HCN1: variants seen among roughly 807,000 people sequenced by gnomAD.
HCN1 encodes potassium/sodium hyperpolarization-activated cyclic nucleotide-gated channel 1.
A neutral mutation model predicts 78.9 loss-of-function variants in HCN1; 13 were observed. The ratio of observed to expected loss-of-function variants is 0.16; its 90% CI spans 0.11 to 0.26. HCN1 has a LOEUF of 0.26. Among genes scored for constraint, HCN1 ranks in the 10% least tolerant of loss-of-function variants. The pLI is 1.00. For missense variants in HCN1, 810 were observed against 1,154.3 expected (o/e 0.70, Z 4.32); for synonymous variants, 552 against 455.5 (o/e 1.21, Z -2.70).
chr5:45,638,886 T>C lies in HCN1; in HGVS notation c.849+6299A>G, dbSNP rs539029251. ...CAACTACCCTCCAGCCTGGGCGACA[T>C]AGCAGTTGCCTTGACTTAACATCTC... On this transcript the variant is annotated intron_variant, in intron 2 of 7. Coordinates refer to ENST00000303230, the MANE Select transcript of HCN1 (RefSeq NM_021072.4). 1.1e-4 allele frequency among the ~76,000 whole-genome samples: 17 copies of C among 152,230 alleles called. 1 individual carries two copies. In the South Asian group the frequency reaches 3.1e-3, roughly 28 times the overall value.
At chr5:45,441,812 A>AAT (rs1278365170) in intron 3 of HCN1, among the ~76,000 whole-genome samples, 2 of 152,292 alleles carry the variant, frequency 1.3e-5, no homozygotes, top group Non-Finnish European at 2.9e-5. Flanking sequence ...TGGAGTGCTC[A>AAT]ATATATGTTT....
At chr5:45,350,142 C>A (rs143698665) in intron 5 of HCN1, among the ~76,000 whole-genome samples, 5,726 of 152,116 alleles carry the variant, frequency 0.038, 182 homozygotes, top group Non-Finnish European at 0.051. Flanking sequence ...ACTGGCAAAC[C>A]GAATCCAGCA....
intron 1 of HCN1, among the ~76,000 whole-genome samples, chr5:45,646,352 A>ATTCT (rs1249796375): frequency 2.0e-5 from 3 of 148,010 alleles, no homozygotes; most frequent in African/African-American, 5.0e-5. Context: ...TTCCATAAAA[A>ATTCT]TTCTTTCTTT....
intron 4 of HCN1, among the ~76,000 whole-genome samples, chr5:45,358,746 G>T: frequency 6.6e-6 from 1 of 152,102 alleles, no homozygotes; most frequent in Non-Finnish European, 1.5e-5. Context: ...TGCCTTTTGT[G>T]GGGAGATTTG....
intron 5 of HCN1, among the ~76,000 whole-genome samples, chr5:45,329,331 G>C (rs1746300536): frequency 6.6e-6 from 1 of 151,244 alleles, no homozygotes; most frequent in Non-Finnish European, 1.5e-5. Context: ...CATATCCTAG[G>C]GACCTCTTAT....
At position 45,332,440 on chromosome 5, in the gene HCN1, A is replaced by AT. The variant is rs879828826; in HGVS notation, c.1377+20659dup. On this transcript the variant is annotated intron_variant, in intron 5 of 7. Coordinates refer to ENST00000303230, the MANE Select transcript of HCN1 (RefSeq NM_021072.4). ...ATACTAGATCTTATTCATTCTTTCT[A>AT]TTTTTTTTTTTCGTACCCATTAACC... is the stretch of plus-strand genomic sequence containing the variant. Among the ~76,000 whole-genome samples the AT allele has an allele frequency of 8.3e-4, 119 of 143,574 alleles. 1 individual carries two copies. Among genetic ancestry groups the AT allele is most frequent in the South Asian group, 5.7e-3 (26 of 4,566 alleles). 94.2% of individuals were successfully genotyped at this position (143,574 alleles called of 152,430 possible).
At chr5:45,522,194 T>TA (rs1006536016) in intron 2 of HCN1, among the ~76,000 whole-genome samples, 36 of 151,956 alleles carry the variant, frequency 2.4e-4, no homozygotes, top group Non-Finnish European at 3.5e-4. Flanking sequence ...CCTAAGTTGT[T>TA]AAAAAAAGTC....
intron 2 of HCN1, among the ~76,000 whole-genome samples, chr5:45,593,330 T>A (rs1270427313): frequency 1.7e-5 from 2 of 117,692 alleles, no homozygotes; most frequent in Admixed American, 9.1e-5. Context: ...TCCCTCTCTC[T>A]CTCTCTCTCT....
intron 2 of HCN1, among the ~76,000 whole-genome samples, chr5:45,635,743 C>A (rs947013472): frequency 6.6e-6 from 1 of 152,100 alleles, no homozygotes; most frequent in African/African-American, 2.4e-5. Context: ...GAAGTCAAAG[C>A]AGGTCTTTCT....
At chr5:45,276,254 T>C (rs938152019) in intron 6 of HCN1, among the ~76,000 whole-genome samples, 1 of 152,032 alleles carries the variant, frequency 6.6e-6, no homozygotes, top group African/African-American at 2.4e-5. Context: ...AAAATCAACA[T>C]TTAAACATGC....
Position 45,547,723 on chromosome 5 carries a change from T to C in HCN1, c.850-85716A>G, listed in dbSNP as rs887865793. 5.9e-5 allele frequency among the ~76,000 whole-genome samples: 9 copies of C among 152,070 alleles called. No homozygotes were observed. The South Asian group carries it at 1.2e-3, about 21-fold the overall frequency. On this transcript the variant is annotated intron_variant, in intron 2 of 7. Transcript: ENST00000303230. ...TGTGTCAAGCCATTTTTTTAATACATCAGAGATATGTGTCATCTGTGAATT... is the reference window on the plus strand; with the variant it reads ...TGTGTCAAGCCATTTTTTTAATACACCAGAGATATGTGTCATCTGTGAATT...
chr5:45,583,299 T>G (rs959101037), intron 2 of HCN1, among the ~76,000 whole-genome samples: 4 of 152,230 alleles, frequency 2.6e-5, no homozygotes, highest in African/African-American at 4.8e-5. Flanking sequence ...CTAGATTTTC[T>G]AGTTTATTTG....
intron 5 of HCN1, among the ~76,000 whole-genome samples, chr5:45,336,381 G>A (rs1042836373): frequency 2.6e-5 from 4 of 152,082 alleles, no homozygotes; most frequent in Admixed American, 6.6e-5. Context: ...TCTGACCCAA[G>A]TATTTTAGTG....
chr5:45,660,571 G>C (rs1227333405), intron 1 of HCN1, among the ~76,000 whole-genome samples: 5 of 152,026 alleles, frequency 3.3e-5, no homozygotes, highest in Non-Finnish European at 5.9e-5. Context: ...CTCATGTGCA[G>C]AGACACACAT....
At chr5:45,573,490 A>T (rs1160052609) in intron 2 of HCN1, among the ~76,000 whole-genome samples, 4 of 40,322 alleles carry the variant, frequency 9.9e-5, no homozygotes, top group Non-Finnish European at 1.7e-4. Context: ...GAAAATTGTT[A>T]AAAAAACACT....
chr5:45,514,308 T>C (rs1742477980), intron 2 of HCN1, among the ~76,000 whole-genome samples: 1 of 152,150 alleles, frequency 6.6e-6, no homozygotes, highest in Admixed American at 6.6e-5. Context: ...TTTCCTAATA[T>C]TTCATTATTG....
intron 5 of HCN1, among the ~76,000 whole-genome samples, chr5:45,308,582 T>C (rs1449306361): frequency 2.0e-5 from 3 of 152,144 alleles, no homozygotes; most frequent in Admixed American, 6.6e-5. Flanking sequence ...TATATTGTTG[T>C]GGAGTTAATA....
chr5:45,692,898 A>C (rs1379965529), intron 1 of HCN1, among the ~76,000 whole-genome samples: 1 of 152,180 alleles, frequency 6.6e-6, no homozygotes, highest in Non-Finnish European at 1.5e-5. Flanking sequence ...AGGTTTATTA[A>C]AAGTGTCAAG....
At chr5:45,440,670 C>A (rs1740652653) in intron 3 of HCN1, among the ~76,000 whole-genome samples, 1 of 152,188 alleles carries the variant, frequency 6.6e-6, no homozygotes. Context: ...TTGCTCACTG[C>A]CAACTGCTGT....
Sources: gnomAD v4.1 joint callset for allele counts (sites outside exome capture counted in the v4.1 genomes callset) on GRCh38, gnomAD v4.1.1 for gene constraint, MANE v1.5 for transcripts, NCBI Gene and HGNC (gene_info 2026-07-23, HGNC 2026-07-21) for gene names.